GRAMD4: variants seen among roughly 807,000 people sequenced by gnomAD.
The protein encoded by GRAMD4 is GRAM domain-containing protein 4.
GRAMD4 carries 25 observed loss-of-function variants against 83.9 expected under a neutral mutation model. The observed-to-expected ratio is 0.30, with a 90% CI of 0.22 to 0.42. The LOEUF (loss-of-function observed/expected upper bound fraction) is 0.42. Ranked by LOEUF, GRAMD4 falls within the 10% of genes least tolerant of loss-of-function variation. The pLI is 1.00. For missense variants in GRAMD4, 593 were observed against 788.7 expected, an observed-to-expected ratio of 0.75 and a Z score of 2.97; for synonymous variants, 336 against 320.9, an observed-to-expected ratio of 1.05 and a Z score of -0.50.
chr22:46,620,580 G>A lies in GRAMD4; in HGVS notation c.-50+15G>A. 1 of 377,618 alleles carries A rather than the reference G, an allele frequency of 2.6e-6. No individual in the cohort carries two copies. The highest frequency in any genetic ancestry group is 3.7e-6 in the Non-Finnish European group (1 of 269,470). 23.4% of individuals were successfully genotyped at this position (377,618 alleles called of 1,614,324 possible). ...GACAGACGGAGGTAGGGGGCAGGGG[G>A]CAGGGGGCAGGGGGACATGGTAGGG... On this transcript the variant is annotated intron_variant, in intron 1 of 18. Transcript: ENST00000406902. This position sits in a 1 kb window ranked among gnomAD's most constrained non-coding sequence, Gnocchi z 4.7.
At chr22:46,615,499 GGGTTCCCCTGTGTGTGCA>G (rs1569261610), upstream of GRAMD4, among the ~76,000 whole-genome samples, 10 of 138,448 alleles carry the variant, frequency 7.2e-5, no homozygotes, top group Admixed American at 2.9e-4. Flanking sequence ...CCGTGTGTGC[GGGTTCCCCTGTGTGTGCA>G]GGTTCCCCTG....
intron 3 of GRAMD4, among the ~76,000 whole-genome samples, chr22:46,649,904 G>T (rs951322020): frequency 6.6e-6 from 1 of 152,232 alleles, no homozygotes; most frequent in Non-Finnish European, 1.5e-5. Flanking sequence ...GCCGTACTCT[G>T]GGCTCTGCAG....
At chr22:46,597,576 G>T (rs548912450) in intron 1 of GRAMD4, among the ~76,000 whole-genome samples, 120 of 151,428 alleles carry the variant, frequency 7.9e-4, no homozygotes, top group South Asian at 3.4e-3. Flanking sequence ...TGCAAGCTCC[G>T]CCTCCTGGGT....
At chr22:46,613,474 C>T (rs1007876051) in intron 1 of GRAMD4, among the ~76,000 whole-genome samples, 2 of 152,254 alleles carry the variant, frequency 1.3e-5, no homozygotes, top group Non-Finnish European at 1.5e-5. Context: ...CCCGCACAGG[C>T]GAGTGTTCCC....
intron 1 of GRAMD4, among the ~76,000 whole-genome samples, chr22:46,593,290 A>G (rs2147015853): frequency 6.6e-6 from 1 of 152,138 alleles, no homozygotes; most frequent in South Asian, 2.1e-4. Context: ...GGAACCTCAC[A>G]TCAAGCAGAA....
At chr22:46,594,355 G>C (rs1194456659) in intron 1 of GRAMD4, among the ~76,000 whole-genome samples, 1 of 152,054 alleles carries the variant, frequency 6.6e-6, no homozygotes, top group Non-Finnish European at 1.5e-5. Context: ...GGAAGTGGGC[G>C]GGTGGGGTGG....
At position 46,589,190 on chromosome 22, in the gene GRAMD4, C is replaced by G. The variant is rs767763130; in HGVS notation, c.-50+11900C>G. Among the ~76,000 whole-genome samples, 4 of 151,316 alleles carry G rather than the reference C, an allele frequency of 2.6e-5. No individual in the cohort carries two copies. The South Asian group carries it at 8.4e-4, about 32-fold the overall frequency. On this transcript the variant is annotated intron_variant, in intron 1 of 1. Transcript: ENST00000431155. ...GGCTCAGTGTCCTTGTCCCTCCAGT[C>G]GCTGCTGCCTTCCCGAAAGCCCTGG...
chr22:46,633,333 A>G (rs901068519), intron 2 of GRAMD4, among the ~76,000 whole-genome samples: 1 of 152,202 alleles, frequency 6.6e-6, no homozygotes, highest in African/African-American at 2.4e-5. Context: ...TCCTGTGGGA[A>G]TAGAGCTGTT....
chr22:46,626,871 T>C lies in GRAMD4; in HGVS notation c.72T>C (p.Ser24=). The C allele has an allele frequency of 6.2e-7, 1 of 1,614,042 alleles. No homozygotes were observed. The highest frequency in any genetic ancestry group is 8.5e-7 in the Non-Finnish European group (1 of 1,179,926). The change falls in exon 2 of 19, where the codon TCT becomes TCC. Residue 24 remains serine, a synonymous_variant. Coordinates refer to ENST00000406902, the MANE Select transcript of GRAMD4 (RefSeq NM_015124.5). ...ATGACTTCCTCGATCTAGCGGAGTC[T>C]CCAAATGCCTCGGACACCGAATGCA... ...KRDDFLDLAE[S]PNASDTECSD... is the part of the protein sequence containing the mutation.
At chr22:46,592,348 G>T (rs577199822) in intron 1 of GRAMD4, among the ~76,000 whole-genome samples, 1 of 151,998 alleles carries the variant, frequency 6.6e-6, no homozygotes, top group Non-Finnish European at 1.5e-5. Flanking sequence ...AGGGGTGCGT[G>T]TCTGTGGTCC....
chr22:46,624,132 G>T (rs1323588073), intron 1 of GRAMD4, among the ~76,000 whole-genome samples: 1 of 151,624 alleles, frequency 6.6e-6, no homozygotes, highest in Admixed American at 6.6e-5. Context: ...TATCATATTT[G>T]TTACCTGTAT....
At position 46,593,607 on chromosome 22, in the gene GRAMD4, A is replaced by G. The variant is rs542797951; in HGVS notation, c.-50+16317A>G. On this transcript the variant is annotated intron_variant, in intron 1 of 1. Transcript: ENST00000431155. ...TAAGGGAGGAGGCTTGTGGGCTGAGACCTCTTCCCTTTTTCATCATTTGGG... is the reference window on the plus strand; with the variant it reads ...TAAGGGAGGAGGCTTGTGGGCTGAGGCCTCTTCCCTTTTTCATCATTTGGG... 4.0e-5 allele frequency among the ~76,000 whole-genome samples: 6 copies of G among 151,670 alleles called. No homozygotes were observed. The South Asian group carries it at 1.2e-3, about 32-fold the overall frequency.
chr22:46,618,062 G>A (rs1042540589), upstream of GRAMD4, among the ~76,000 whole-genome samples: 48 of 152,190 alleles, frequency 3.2e-4, no homozygotes, highest in Non-Finnish European at 1.3e-4. This position sits in a 1 kb window ranked among gnomAD's most constrained non-coding sequence, Gnocchi z 5.8. Flanking sequence ...CTCAGCTGGT[G>A]GCTGCGGGCT....
At chr22:46,589,237 C>A (rs2081182256) in intron 1 of GRAMD4, among the ~76,000 whole-genome samples, 1 of 148,216 alleles carries the variant, frequency 6.7e-6, no homozygotes, top group Non-Finnish European at 1.5e-5. Context: ...AGAGGGCAGC[C>A]CTGGCTCTTG....
chr22:46,657,425 C>T (rs561739899), intron 3 of GRAMD4, among the ~76,000 whole-genome samples: 1 of 152,150 alleles, frequency 6.6e-6, no homozygotes, highest in Non-Finnish European at 1.5e-5. Flanking sequence ...GGAGAGAGGC[C>T]GGGTCCCCGT....
intron 1 of GRAMD4, among the ~76,000 whole-genome samples, chr22:46,591,916 C>G (rs982487411): frequency 3.4e-5 from 4 of 118,860 alleles, no homozygotes; most frequent in African/African-American, 1.6e-4. Flanking sequence ...TGCCCAGGGA[C>G]AGTCAGAAAG....
At chr22:46,588,778 A>C (rs1386221356) in intron 1 of GRAMD4, among the ~76,000 whole-genome samples, 22 of 152,020 alleles carry the variant, frequency 1.4e-4, no homozygotes, top group Non-Finnish European at 7.4e-5. Context: ...AGGGCATGTG[A>C]CACTGGCGTC....
chr22:46,578,063 G>T (rs1359674174), intron 1 of GRAMD4, among the ~76,000 whole-genome samples: 1 of 152,198 alleles, frequency 6.6e-6, no homozygotes, highest in East Asian at 1.9e-4. Context: ...GTGCCCCGGG[G>T]CCAGGGACCT....
chr22:46,609,075 C>T (rs1347839668), intron 1 of GRAMD4, among the ~76,000 whole-genome samples: 1 of 151,974 alleles, frequency 6.6e-6, no homozygotes, highest in African/African-American at 2.4e-5. Flanking sequence ...TGCACTCCAT[C>T]CTGGGTGAAA....
Sources: gnomAD v4.1 joint callset for allele counts (sites outside exome capture counted in the v4.1 genomes callset) on GRCh38, gnomAD v4.1.1 for gene constraint, Gnocchi (gnomAD v3.1) non-coding constraint, MANE v1.5 for transcripts, NCBI Gene and HGNC (gene_info 2026-07-23, HGNC 2026-07-21) for gene names.